The following KRT74 variants were observed in gnomAD, a reference collection of about 807,000 sequenced individuals.
KRT74 encodes keratin 74.
KRT74 carries 43 observed loss-of-function variants against 42.7 expected under a neutral mutation model. That is an observed-to-expected ratio of 1.01 (90% CI 0.79 to 1.30). The LOEUF (loss-of-function observed/expected upper bound fraction) is 1.30, where lower values mean the gene tolerates loss of function less well. Ranked by LOEUF, KRT74 falls within the 50% of genes most tolerant of loss-of-function variation. KRT74 has a pLI of 0.00. For synonymous variants in KRT74, 302 were observed against 279.0 expected, an observed-to-expected ratio of 1.08 and a Z score of -0.82; for missense variants, 736 against 689.1, an observed-to-expected ratio of 1.07 and a Z score of -0.76.
chr12:52,566,608 C>T lies in KRT74; in HGVS notation c.*361G>A. ...ACCTCTCAGACAGTAGCTAACTTGG[C>T]CTAAGCACAGAACAAACCAGCCCCT... On this transcript the variant is annotated 3_prime_UTR_variant, in exon 9 of 9. Coordinates refer to ENST00000305620, the MANE Select transcript of KRT74 (RefSeq NM_175053.4). 4.4e-6 allele frequency: 1 copy of T among 227,192 alleles called. No individual in the cohort carries two copies. Among genetic ancestry groups the T allele is most frequent in the Non-Finnish European group, 8.5e-6 (1 of 117,022 alleles). 14.1% of individuals were successfully genotyped at this position (227,192 alleles called of 1,614,324 possible).
In KRT74 at chr12:52,570,741, A is replaced by G. The variant is rs1281762990; in HGVS notation, c.936T>C (p.Ala312=). 4.3e-6 allele frequency: 7 copies of G among 1,614,026 alleles called. No individual in the cohort carries two copies. The African/African-American group carries it at 8.0e-5, about 18-fold the overall frequency. The change falls in exon 5 of 9, where the codon GCT becomes GCC. Residue 312 remains alanine (A), a synonymous_variant. Transcript: ENST00000305620. ...TCTCCTCATAATGCATGCGGACCTC[A>G]GCGATGATGCTGTCAAGGTCCAGGT... ...NRDLDLDSII[A]EVRMHYEEIA...
At chr12:52,573,194 C>T (rs1939518522) in intron 1 of KRT74, 113 bp downstream of exon 1, 1 of 1,058,034 alleles carries the variant, frequency 9.5e-7, no homozygotes, top group Non-Finnish European at 1.5e-6. Context: ...TGAGGAAGCC[C>T]TTCCTGAGGC....
At chr12:52,569,564 C>T in intron 6 of KRT74, 3 of 600,446 alleles carry the variant, frequency 5.0e-6, no homozygotes, top group Non-Finnish European at 6.0e-6. Flanking sequence ...CTAATCCTAG[C>T]TCCATTCATT....
rs537654110 is a variant in KRT74, at chr12:52,567,043, G to A, written c.1516C>T (p.Arg506Ter). Residue 506 changes from arginine (R) to a stop codon, truncating the protein, a stop_gained, in exon 9 of 9, where the codon CGA becomes TGA. Transcript: ENST00000305620. LOFTEE classifies it low-confidence loss of function (END_TRUNC). ...QSGQTKTTEA[R>*]GGDLKDTQGK... is the part of the protein sequence containing the mutation. The stretch of plus-strand genomic sequence containing the variant: ...TGGGTGTCCTTGAGGTCTCCCCCTC[G>A]CGCCTCTGTGGTCTTGGTCTGCCCG... 6.4e-5 allele frequency: 102 copies of A among 1,599,386 alleles called. No individual in the cohort carries two copies. The highest frequency in any genetic ancestry group is 7.6e-5 in the Non-Finnish European group (89 of 1,170,806).
At chr12:52,567,285 AC>A in intron 8 of KRT74, 117 bp from the exon 9 acceptor site, 1 of 865,376 alleles carries the variant, frequency 1.2e-6, no homozygotes, top group Non-Finnish European at 1.7e-6. Flanking sequence ...AATCCGCAGA[AC>A]CACCCTCAGT....
rs1939467240 is a variant in KRT74, at chr12:52,570,837, C to T, written c.844-4G>A. ...GAGTCTGGATCTGAGCGATCTCCTG[C>T]ATTGAGAGAGGAAGACAGATTCAGC... On this transcript the variant is annotated splice_polypyrimidine_tract_variant and splice_region_variant and intron_variant, in intron 4 of 8. Transcript: ENST00000305620. 1 of 1,614,242 alleles carries T rather than the reference C, an allele frequency of 6.2e-7. No individual in the cohort carries two copies.
chr12:52,571,237 G>T (rs543263146), intron 4 of KRT74, 122 bp downstream of exon 4: 2 of 749,292 alleles, frequency 2.7e-6, no homozygotes, highest in South Asian at 3.0e-5. Context: ...CTGGTGCAGG[G>T]TTTTGTACCT....
Position 52,566,819 on chromosome 12 carries a change from GAAA to G in KRT74, c.*147_*149del. On this transcript the variant is annotated 3_prime_UTR_variant, in exon 9 of 9. Coordinates refer to ENST00000305620, the MANE Select transcript of KRT74 (RefSeq NM_175053.4). ...AAGGTGACTGTGTCAATCAGAGCTT[GAAA>G]GTAAAAGCTAAACCACGATGCAGAC... The G allele has an allele frequency of 6.9e-5, 41 of 593,696 alleles. No homozygotes were observed. Among genetic ancestry groups the G allele is most frequent in the Admixed American group, 2.8e-4 (11 of 39,088 alleles). The allele number at this position is 593,696 out of a possible 1,614,324, so 36.8% of individuals were successfully genotyped here. A position where few individuals can be genotyped will look rare whatever the true frequency, so the allele number is the denominator to read the frequency against.
In KRT74 at chr12:52,569,823, TGGAGACCG is replaced by T. The variant is rs760144795; in HGVS notation, c.1134+28_1134+35del. The stretch of plus-strand genomic sequence containing the variant: ...CATTTCCTCATCCCAGAGCCTGCTG[TGGAGACCG>T]GGAGTTCTTTGTGGGGCTGCTGCCC... On this transcript the variant is annotated intron_variant, in intron 6 of 8. Transcript: ENST00000305620. The T allele has an allele frequency of 3.7e-6, 6 of 1,613,710 alleles. No homozygotes were observed. The Admixed American group carries it at 1.0e-4, about 27-fold the overall frequency.
intron 5 of KRT74, 81 bp from the exon 6 acceptor site, chr12:52,570,065 CTGGCTGTCGG>C: frequency 6.6e-7 from 1 of 1,514,646 alleles, no homozygotes; most frequent in South Asian, 1.1e-5. Context: ...CCCTGCCACC[CTGGCTGTCGG>C]TGGGATTTAA....
intron 6 of KRT74, chr12:52,569,354 A>G: frequency 3.2e-6 from 1 of 316,864 alleles, no homozygotes; most frequent in Non-Finnish European, 5.7e-6. Flanking sequence ...TCCCTCAGTC[A>G]ACAGACCATG....
Position 52,573,674 on chromosome 12 carries a change from C to T in KRT74, c.104G>A (p.Cys35Tyr), listed in dbSNP as rs1939530859. The change falls in exon 1 of 9, where the codon TGT becomes TAT. Residue 35 changes from cysteine (C) to tyrosine (Y), a missense_variant. Physicochemically the swap from Cys to Tyr is radical, Grantham distance 194. Transcript: ENST00000305620. The part of the protein sequence containing the change: ...RKAVGSLASY[C>Y]AAGRGAGAGF... ...AGCGCCAGCCCCTCTGCCAGCTGCACAGTAAGAAGCCAGGCTACCCACAGC... is the reference window on the plus strand; with the variant it reads ...AGCGCCAGCCCCTCTGCCAGCTGCATAGTAAGAAGCCAGGCTACCCACAGC... 1 of 1,614,086 alleles carries T rather than the reference C, an allele frequency of 6.2e-7. No homozygotes were observed.
At position 52,573,634 on chromosome 12, in the gene KRT74, C is replaced by T. The variant is rs1267571137; in HGVS notation, c.144G>A (p.Arg48=). The change falls in exon 1 of 9, where the codon CGG becomes CGA. Residue 48 remains arginine (R), a synonymous_variant. Transcript: ENST00000305620. ...GRGAGAGFGS[R]SLYSLGGNRR... ...GATTCCCTCCAAGGCTATAGAGGCT[C>T]CGACTGCCAAAGCCAGCGCCAGCCC... 6.2e-7 allele frequency: 1 copy of T among 1,614,146 alleles called. No homozygotes were observed. The highest frequency in any genetic ancestry group is 1.7e-5 in the Admixed American group (1 of 60,032).
rs557753654 is a variant in KRT74 at position 52,566,214 on chromosome 12, C to T, written c.*755G>A. 6.6e-6 allele frequency: 1 copy of T among 152,278 alleles called. No individual in the cohort carries two copies. The highest frequency in any genetic ancestry group is 6.5e-5 in the Admixed American group (1 of 15,284). 9.4% of individuals were successfully genotyped at this position (152,278 alleles called of 1,614,324 possible). On this transcript the variant is annotated 3_prime_UTR_variant, in exon 9 of 9. Transcript: ENST00000305620. Reference sequence around the variant, plus strand: ...GGGTGACTGGGGCCAGTTCAGCAGCCTCTTGGGATCAGGCTCCCAGTCTGT... The same window carrying T: ...GGGTGACTGGGGCCAGTTCAGCAGCTTCTTGGGATCAGGCTCCCAGTCTGT...
In KRT74 at chr12:52,573,234, A is replaced by G. The variant is rs1259093471; in HGVS notation, c.471+73T>C. ...CTGCACCTTTCCAGCCACAGTGTGC[A>G]GTCCATTCCCAGGCAGCAGGAAAAC... is the stretch of plus-strand genomic sequence containing the variant. On this transcript the variant is annotated intron_variant, in intron 1 of 8. Coordinates refer to ENST00000305620, the MANE Select transcript of KRT74 (RefSeq NM_175053.4). The G allele has an allele frequency of 5.0e-6, 7 of 1,405,734 alleles. No homozygotes were observed. In the East Asian group the frequency reaches 1.6e-4, roughly 32 times the overall value. The allele number at this position is 1,405,734 out of a possible 1,614,324, so 87.1% of individuals were successfully genotyped here. A position where few individuals can be genotyped will look rare whatever the true frequency, so the allele number is the denominator to read the frequency against.
At chr12:52,571,850 G>T in intron 3 of KRT74, 94 bp downstream of exon 3, 1 of 910,546 alleles carries the variant, frequency 1.1e-6, no homozygotes, top group Non-Finnish European at 1.9e-6. Flanking sequence ...CCAGGCACCA[G>T]CCCCCTCCCC....
At position 52,572,179 on chromosome 12, in the gene KRT74, T is replaced by C. The variant is rs638211; in HGVS notation, c.687-175A>G. 0.21 allele frequency among the ~76,000 whole-genome samples: 31,821 copies of C among 152,062 alleles called. 3,414 individuals are homozygous for C. The highest frequency in any genetic ancestry group is 0.27 in the Admixed American group (4,085 of 15,286). On this transcript the variant is annotated intron_variant, in intron 2 of 8. Coordinates refer to ENST00000305620, the MANE Select transcript of KRT74 (RefSeq NM_175053.4). ...GTTGCTTCACTTGTCTCCTAGTTTTTGCATGTTAGGAAAACACCCAGGTGC... is the reference window on the plus strand; with the variant it reads ...GTTGCTTCACTTGTCTCCTAGTTTTCGCATGTTAGGAAAACACCCAGGTGC...
In KRT74 at chr12:52,567,130, TG is replaced by T; in HGVS notation, c.1428del (p.Ser477AlafsTer84). 1 of 1,605,320 alleles carries T rather than the reference TG, an allele frequency of 6.2e-7. No individual in the cohort carries two copies. Among genetic ancestry groups the T allele is most frequent in the Non-Finnish European group, 8.5e-7 (1 of 1,173,408 alleles). ...GCCCCAAGGTCAACACCCGCAGAGC[TG>T]GGGTGGTGGTAGCTGTAGCTGCTAC... is the stretch of plus-strand genomic sequence containing the variant. ...ISSSSYSYHH[P>X]SSAGVDLGAS... On this transcript the variant is annotated frameshift_variant, in exon 9 of 9. Transcript: ENST00000305620. LOFTEE classifies it low-confidence loss of function (END_TRUNC).
intron 6 of KRT74, 65 bp from the exon 7 acceptor site, chr12:52,568,454 T>C (rs536724067): frequency 2.1e-5 from 33 of 1,539,044 alleles, no homozygotes; most frequent in East Asian, 4.7e-5. Flanking sequence ...ACCAGTTAAG[T>C]AGAACAATGC....
Sources: allele counts gnomAD v4.1 joint callset (sites outside exome capture counted in the v4.1 genomes callset), GRCh38; gene constraint gnomAD v4.1.1; transcripts MANE v1.5; gene names NCBI Gene and HGNC (gene_info 2026-07-23, HGNC 2026-07-21).